LNP1: variants seen among roughly 807,000 people sequenced by gnomAD.
LNP1 encodes leukemia NUP98 fusion partner 1.
LNP1 carries 12 observed loss-of-function variants against 14.5 expected under a neutral mutation model. That is an observed-to-expected ratio of 0.83 (90% CI 0.53 to 1.34). The LOEUF (loss-of-function observed/expected upper bound fraction) is 1.34. Among genes scored for constraint, LNP1 ranks in the 40% most tolerant of loss-of-function variants. The pLI is 0.00. For synonymous variants in LNP1, 75 were observed against 71.4 expected (o/e 1.05, Z -0.26); for missense variants, 198 against 210.9 (o/e 0.94, Z 0.38).
intron 1 of LNP1, among the ~76,000 whole-genome samples, chr3:100,416,704 AT>A (rs1439448725): frequency 6.1e-5 from 8 of 131,616 alleles, no homozygotes; most frequent in African/African-American, 2.1e-4. Context: ...ATATAAATAC[AT>A]TTTTTTGTTT....
chr3:100,433,615 A>G (rs1179009054), intron 2 of LNP1, among the ~76,000 whole-genome samples: 1 of 152,068 alleles, frequency 6.6e-6, no homozygotes, highest in Non-Finnish European at 1.5e-5. Context: ...GGTATTTCTC[A>G]TTCTAGATCC....
In LNP1 at chr3:100,403,927, T is replaced by A. The variant is rs115122348; in HGVS notation, c.-34+1488T>A. On this transcript the variant is annotated intron_variant, in intron 1 of 3. Transcript: ENST00000383693. ...TGAAAGGCCTTTCAGATTGCTAGAG[T>A]TGGTAAATAGCTGGTTGACTGGTGT... Among the ~76,000 whole-genome samples the A allele has an allele frequency of 4.0e-3, 610 of 152,268 alleles. 3 individuals are homozygous for A. Among genetic ancestry groups the A allele is most frequent in the South Asian group, 7.9e-3 (38 of 4,820 alleles).
At chr3:100,444,870 T>TA (rs1707374458) in intron 2 of LNP1, among the ~76,000 whole-genome samples, 1 of 152,226 alleles carries the variant, frequency 6.6e-6, no homozygotes, top group Non-Finnish European at 1.5e-5. Flanking sequence ...AAAACCTTTA[T>TA]AACCTTTATT....
intron 1 of LNP1, among the ~76,000 whole-genome samples, chr3:100,422,182 C>CTTTT (rs35862297): frequency 3.9e-5 from 4 of 101,612 alleles, no homozygotes; most frequent in African/African-American, 4.2e-5. Context: ...TTGATAAAGT[C>CTTTT]TTTTTTTTTT....
intron 2 of LNP1, among the ~76,000 whole-genome samples, chr3:100,438,256 C>T (rs557220635): frequency 1.4e-4 from 21 of 152,290 alleles, no homozygotes; most frequent in African/African-American, 3.8e-4. Context: ...TAACCAATTT[C>T]CCCCTCCCCA....
intron 1 of LNP1, among the ~76,000 whole-genome samples, chr3:100,424,283 T>C (rs1707172511): frequency 6.6e-6 from 1 of 152,174 alleles, no homozygotes; most frequent in African/African-American, 2.4e-5. Context: ...GGTTCACGAC[T>C]TGCTAAAAAG....
At chr3:100,417,436 G>C (rs761009039) in intron 1 of LNP1, among the ~76,000 whole-genome samples, 1 of 133,716 alleles carries the variant, frequency 7.5e-6, no homozygotes, top group Non-Finnish European at 1.5e-5. Flanking sequence ...TAGTGCACTG[G>C]TGCGATCTCA....
At chr3:100,414,954 T>TA (rs1406271226) in intron 1 of LNP1, among the ~76,000 whole-genome samples, 1 of 152,104 alleles carries the variant, frequency 6.6e-6, no homozygotes, top group African/African-American at 2.4e-5. Flanking sequence ...TAATTTGAAA[T>TA]ACAACCAAAG....
intron 1 of LNP1, among the ~76,000 whole-genome samples, chr3:100,411,775 G>T (rs887809622): frequency 3.3e-5 from 5 of 151,908 alleles, no homozygotes; most frequent in Non-Finnish European, 7.4e-5. Context: ...TCAAACCAAG[G>T]CCCCACCCTC....
At chr3:100,409,184 T>G (rs1337959300) in intron 1 of LNP1, among the ~76,000 whole-genome samples, 1 of 152,148 alleles carries the variant, frequency 6.6e-6, no homozygotes, top group Non-Finnish European at 1.5e-5. Context: ...TCCTCCTCCC[T>G]AAGTTCCTTG....
chr3:100,416,222 T>A (rs1707082424), intron 1 of LNP1, among the ~76,000 whole-genome samples: 1 of 152,190 alleles, frequency 6.6e-6, no homozygotes, highest in African/African-American at 2.4e-5. Context: ...AGTTGGAATA[T>A]TTTTATAAGG....
chr3:100,452,399 G>T (rs1257489447), intron 3 of LNP1, among the ~76,000 whole-genome samples: 4 of 151,492 alleles, frequency 2.6e-5, no homozygotes, highest in Non-Finnish European at 5.9e-5. Context: ...TAGAGACAGG[G>T]TCTTGTTATG....
intron 1 of LNP1, among the ~76,000 whole-genome samples, chr3:100,420,856 A>G (rs1225849192): frequency 1.3e-5 from 2 of 151,958 alleles, no homozygotes; most frequent in Non-Finnish European, 2.9e-5. Flanking sequence ...GTCAAGTCTA[A>G]GAACTCTTGC....
intron 1 of LNP1, among the ~76,000 whole-genome samples, chr3:100,408,300 C>T (rs967274354): frequency 6.6e-6 from 1 of 152,182 alleles, no homozygotes; most frequent in African/African-American, 2.4e-5. Context: ...AGCCTGTGAC[C>T]ACTGCAGCCC....
chr3:100,410,680 AC>A (rs1309602695), intron 1 of LNP1, among the ~76,000 whole-genome samples: 1 of 152,258 alleles, frequency 6.6e-6, no homozygotes, highest in African/African-American at 2.4e-5. Flanking sequence ...ATGGGATTTT[AC>A]CAGCAGAAAC....
chr3:100,409,748 C>G (rs1374085047), intron 1 of LNP1, among the ~76,000 whole-genome samples: 4 of 151,294 alleles, frequency 2.6e-5, no homozygotes, highest in Non-Finnish European at 5.9e-5. Context: ...GTACCCACCA[C>G]TGTGCCCAGC....
At chr3:100,433,679 C>G (rs1029898011) in intron 2 of LNP1, among the ~76,000 whole-genome samples, 3 of 152,174 alleles carry the variant, frequency 2.0e-5, no homozygotes, top group African/African-American at 4.8e-5. Context: ...TACTTTCCCC[C>G]CAACAGTGTA....
chr3:100,430,106 G>T (rs1707228902), intron 2 of LNP1, among the ~76,000 whole-genome samples: 1 of 152,026 alleles, frequency 6.6e-6, no homozygotes, highest in South Asian at 2.1e-4. Flanking sequence ...ATTTTTAGTT[G>T]TCTGAGATAT....
At chr3:100,418,941 A>G (rs11918399) in intron 1 of LNP1, among the ~76,000 whole-genome samples, 16,756 of 152,092 alleles carry the variant, frequency 0.11, 1,399 homozygotes, top group African/African-American at 0.23. Flanking sequence ...TTTCCAAACT[A>G]TTGGCTATTT....
Sources: allele counts gnomAD v4.1 joint callset (sites outside exome capture counted in the v4.1 genomes callset), GRCh38; gene constraint gnomAD v4.1.1; transcripts MANE v1.5; gene names NCBI Gene and HGNC (gene_info 2026-07-23, HGNC 2026-07-21).